CRADD: variants seen among roughly 807,000 people sequenced by gnomAD.
The protein encoded by CRADD is CARD and death domain containing adaptor protein.
In CRADD, 9 loss-of-function variants were observed where a neutral mutation model predicts 15.5. The ratio of observed to expected loss-of-function variants is 0.58; its 90% CI spans 0.35 to 1.01. The LOEUF (loss-of-function observed/expected upper bound fraction) is 1.01, where lower values mean the gene tolerates loss of function less well. Ranked by LOEUF, CRADD falls within the 50% of genes least tolerant of loss-of-function variation. The pLI is 0.02. For missense variants in CRADD, 227 were observed against 250.3 expected (o/e 0.91, Z 0.63); for synonymous variants, 118 against 107.6 (o/e 1.10, Z -0.60).
chr12:93,863,296 G>A (rs936911576), intron 2 of CRADD, among the ~76,000 whole-genome samples: 1 of 152,138 alleles, frequency 6.6e-6, no homozygotes, highest in Non-Finnish European at 1.5e-5. Context: ...TCTGTCTATA[G>A]CCCCAGGCCT....
chr12:93,838,258 A>G (rs1256366462), intron 2 of CRADD, among the ~76,000 whole-genome samples: 1 of 135,260 alleles, frequency 7.4e-6, no homozygotes, highest in Non-Finnish European at 1.5e-5. Flanking sequence ...TCAGTCTCTC[A>G]GCCAAAGGGA....
intron 2 of CRADD, among the ~76,000 whole-genome samples, chr12:93,798,762 G>C (rs1957446904): frequency 6.6e-6 from 1 of 152,190 alleles, no homozygotes; most frequent in African/African-American, 2.4e-5. Context: ...GGCTCCTTTG[G>C]CAAGAACTTC....
chr12:93,874,986 C>A (rs1958448335), intron 2 of CRADD, among the ~76,000 whole-genome samples: 1 of 152,014 alleles, frequency 6.6e-6, no homozygotes, highest in Non-Finnish European at 1.5e-5. Flanking sequence ...GATTTTCTGT[C>A]TGGAAGATCT....
At chr12:93,690,827 C>T (rs1342101648) in intron 2 of CRADD, among the ~76,000 whole-genome samples, 5 of 152,190 alleles carry the variant, frequency 3.3e-5, no homozygotes, top group African/African-American at 1.2e-4. Context: ...AGTCACATGG[C>T]TTAGATGACC....
At chr12:93,842,323 G>C (rs1237434199) in intron 2 of CRADD, among the ~76,000 whole-genome samples, 2 of 152,178 alleles carry the variant, frequency 1.3e-5, no homozygotes, top group Non-Finnish European at 2.9e-5. Context: ...AAGCAATAAG[G>C]AATAGGTAGG....
chr12:93,723,540 A>G (rs1956302214), intron 2 of CRADD, among the ~76,000 whole-genome samples: 1 of 152,140 alleles, frequency 6.6e-6, no homozygotes, highest in Admixed American at 6.5e-5. Flanking sequence ...TGCTGCCTCC[A>G]AATTATCCTT....
chr12:93,747,865 T>C (rs1956779299), intron 2 of CRADD, among the ~76,000 whole-genome samples: 5 of 152,202 alleles, frequency 3.3e-5, no homozygotes, highest in Admixed American at 2.6e-4. Context: ...TCAGACTACC[T>C]GTAAAGACAC....
intron 2 of CRADD, among the ~76,000 whole-genome samples, chr12:93,696,133 T>G (rs1455409293): frequency 1.3e-5 from 2 of 152,176 alleles, no homozygotes; most frequent in African/African-American, 4.8e-5. Flanking sequence ...CTTTGCATAC[T>G]TGGTGAGAAT....
At chr12:93,797,483 T>C (rs1957432093) in intron 2 of CRADD, among the ~76,000 whole-genome samples, 2 of 152,100 alleles carry the variant, frequency 1.3e-5, no homozygotes, top group Non-Finnish European at 2.9e-5. Flanking sequence ...GAGAACATCA[T>C]CCCTCACCAA....
chr12:93,700,433 A>ATT (rs5800111), intron 2 of CRADD, among the ~76,000 whole-genome samples: 1 of 148,968 alleles, frequency 6.7e-6, no homozygotes, highest in African/African-American at 2.5e-5. Flanking sequence ...TCCTTCAGTA[A>ATT]TTTTTTTTTT....
Position 93,894,490 on chromosome 12 carries a change from C to G in CRADD, c.*373C>G, listed in dbSNP as rs1958598799. On this transcript the variant is annotated 3_prime_UTR_variant, in exon 3 of 3. Coordinates refer to the CRADD transcript ENST00000548483. ...CTCCTCTGCCCAGCAACAGGCTTGG[C>G]CTCTCTCCTGTGGCTGCCACAAGAG... 5 of 219,096 alleles carry G rather than the reference C, an allele frequency of 2.3e-5. No individual in the cohort carries two copies. In the South Asian group the frequency reaches 4.9e-4, roughly 21 times the overall value. The allele number at this position is 219,096 out of a possible 1,614,324, so 13.6% of individuals were successfully genotyped here. A position where few individuals can be genotyped will look rare whatever the true frequency, so the allele number is the denominator to read the frequency against.
chr12:93,733,214 T>C (rs1277230364), intron 2 of CRADD, among the ~76,000 whole-genome samples: 1 of 152,226 alleles, frequency 6.6e-6, no homozygotes, highest in Admixed American at 6.5e-5. Context: ...CTTCTCTTTT[T>C]TATCTTTAGT....
intron 2 of CRADD, among the ~76,000 whole-genome samples, chr12:93,711,055 C>CCCT: frequency 6.7e-4 from 29 of 43,502 alleles, no homozygotes; most frequent in South Asian, 1.3e-3. Flanking sequence ...CCACCCCCGC[C>CCCT]TTTTTTTTTT....
chr12:93,846,149 G>A (rs987911338), intron 2 of CRADD, among the ~76,000 whole-genome samples: 1 of 152,150 alleles, frequency 6.6e-6, no homozygotes, highest in Non-Finnish European at 1.5e-5. Flanking sequence ...ATATTCTATT[G>A]TATGTCTCTG....
chr12:93,743,334 T>TTTTG (rs1288890664), intron 2 of CRADD, among the ~76,000 whole-genome samples: 2 of 152,164 alleles, frequency 1.3e-5, no homozygotes, highest in East Asian at 3.9e-4. Context: ...TGCTATTTCT[T>TTTTG]TTTGTTTGTT....
At chr12:93,770,724 ATCT>A (rs1424192258) in intron 2 of CRADD, among the ~76,000 whole-genome samples, 6 of 152,246 alleles carry the variant, frequency 3.9e-5, no homozygotes, top group Non-Finnish European at 8.8e-5. Flanking sequence ...TGAGGACTAC[ATCT>A]TCTTCTTTTC....
intron 2 of CRADD, among the ~76,000 whole-genome samples, chr12:93,796,229 A>G (rs2136991371): frequency 6.6e-6 from 1 of 152,306 alleles, no homozygotes; most frequent in South Asian, 2.1e-4. Flanking sequence ...CATAGCCAAC[A>G]GTTTTGTAAT....
intron 2 of CRADD, among the ~76,000 whole-genome samples, chr12:93,686,470 T>G (rs1955445315): frequency 6.6e-6 from 1 of 152,096 alleles, no homozygotes; most frequent in African/African-American, 2.4e-5. Context: ...CCAGTTCTAG[T>G]ATAGATAGTA....
intron 2 of CRADD, chr12:93,893,981 C>T: frequency 1.4e-6 from 1 of 701,174 alleles, no homozygotes; most frequent in East Asian, 2.7e-5. Flanking sequence ...TCTCAAAGTG[C>T]ACCACACACA....
Sources: allele counts gnomAD v4.1 joint callset (sites outside exome capture counted in the v4.1 genomes callset), GRCh38; gene constraint gnomAD v4.1.1; transcripts MANE v1.5; gene names NCBI Gene and HGNC (gene_info 2026-07-23, HGNC 2026-07-21).